The following RAB21 variants were observed in gnomAD, a reference collection of about 807,000 sequenced individuals.
RAB21 encodes RAB21, member RAS oncogene family.
RAB21 carries 13 observed loss-of-function variants against 33.1 expected under a neutral mutation model. The observed-to-expected ratio is 0.39, with a 90% CI of 0.26 to 0.62. The LOEUF (loss-of-function observed/expected upper bound fraction) is 0.62, where lower values mean the gene tolerates loss of function less well. Among genes scored for constraint, RAB21 ranks in the 20% least tolerant of loss-of-function variants. The pLI is 0.48. For synonymous variants in RAB21, 91 were observed against 103.7 expected (o/e 0.88, Z 0.74); for missense variants, 234 against 279.1 (o/e 0.84, Z 1.15).
At chr12:71,756,236 G>A (rs1882783937) in intron 1 of RAB21, among the ~76,000 whole-genome samples, 1 of 152,274 alleles carries the variant, frequency 6.6e-6, no homozygotes, top group South Asian at 2.1e-4. Context: ...GTCATACTGG[G>A]TAAGTTACTT....
intron 4 of RAB21, among the ~76,000 whole-genome samples, chr12:71,777,622 C>T (rs935499141): frequency 6.6e-6 from 1 of 152,164 alleles, no homozygotes; most frequent in Non-Finnish European, 1.5e-5. Context: ...AAACATTTGA[C>T]AAGAATTCAT....
chr12:71,793,319 G>A lies in RAB21; in HGVS notation c.*7646G>A, dbSNP rs555339634. The stretch of plus-strand genomic sequence containing the variant: ...TAGGATAGTTTGTGTAATTCTAAAT[G>A]CACTCTCCAGTTTAAGAGTGTGGGT... On this transcript the variant is annotated 3_prime_UTR_variant, in exon 7 of 7. Transcript: ENST00000261263. 1.6e-4 allele frequency: 25 copies of A among 152,276 alleles called. No homozygotes were observed. In the East Asian group the frequency reaches 4.8e-3, roughly 29 times the overall value. 9.4% of individuals were successfully genotyped at this position (152,276 alleles called of 1,614,324 possible). A position where few individuals can be genotyped will look rare whatever the true frequency, so the allele number is the denominator to read the frequency against.
At position 71,755,420 on chromosome 12, in the gene RAB21, C is replaced by T. The variant is rs1402635145; in HGVS notation, c.159+132C>T. 13 of 1,136,508 alleles carry T rather than the reference C, an allele frequency of 1.1e-5. No homozygotes were observed. In the East Asian group the frequency reaches 2.7e-4, roughly 23 times the overall value. 70.4% of individuals were successfully genotyped at this position (1,136,508 alleles called of 1,614,324 possible). ...GCCTGTCATCTCCGCCTTCGGTTTA[C>T]CTTTCCGAATTCGCCCTGGGGAATC... On this transcript the variant is annotated intron_variant, in intron 1 of 6. Coordinates refer to ENST00000261263, the MANE Select transcript of RAB21 (RefSeq NM_014999.4).
intron 1 of RAB21, among the ~76,000 whole-genome samples, chr12:71,762,708 G>T (rs1882894316): frequency 6.6e-6 from 1 of 151,990 alleles, no homozygotes. Flanking sequence ...TCAGCCTCCT[G>T]AGTAGCTGGG....
intron 1 of RAB21, among the ~76,000 whole-genome samples, chr12:71,758,274 C>T (rs1882817129): frequency 6.6e-6 from 1 of 151,978 alleles, no homozygotes; most frequent in South Asian, 2.1e-4. Flanking sequence ...CTCAGGTGAT[C>T]CACCTGCCTC....
Position 71,760,902 on chromosome 12 carries a change from G to A in RAB21, c.159+5614G>A, listed in dbSNP as rs1328522227. Among the ~76,000 whole-genome samples the A allele has an allele frequency of 2.0e-5, 3 of 152,068 alleles. No individual in the cohort carries two copies. In the East Asian group the frequency reaches 5.8e-4, roughly 29 times the overall value. On this transcript the variant is annotated intron_variant, in intron 1 of 6. Coordinates refer to ENST00000261263, the MANE Select transcript of RAB21 (RefSeq NM_014999.4). Reference sequence around the variant, plus strand: ...GTAGTATCCTAACAGTTTGGCAAATGAGGAAACTAAGACTTGGATTTGGCT... The same window carrying A: ...GTAGTATCCTAACAGTTTGGCAAATAAGGAAACTAAGACTTGGATTTGGCT...
intron 1 of RAB21, 57 bp downstream of exon 1, chr12:71,755,345 G>T: frequency 7.0e-7 from 1 of 1,427,486 alleles, no homozygotes. Context: ...CTCCGGGGCT[G>T]GGGAAACTTT....
At chr12:71,781,724 T>C (rs1390928194) in intron 4 of RAB21, among the ~76,000 whole-genome samples, 1 of 152,190 alleles carries the variant, frequency 6.6e-6, no homozygotes, top group Non-Finnish European at 1.5e-5. Context: ...AATCATAGGT[T>C]TATCTCTAGG....
chr12:71,769,931 G>A (rs1883016614), intron 2 of RAB21, 72 bp downstream of exon 2: 13 of 740,630 alleles, frequency 1.8e-5, no homozygotes, highest in Non-Finnish European at 2.6e-5. Context: ...GTTAATTGGA[G>A]CTTAGCCAAC....
At chr12:71,774,110 A>C (rs1483083807) in intron 4 of RAB21, 88 bp downstream of exon 4, 1 of 853,222 alleles carries the variant, frequency 1.2e-6, no homozygotes, top group Non-Finnish European at 1.8e-6. Context: ...TTAAAGTTAT[A>C]TGAGAAAGGA....
At chr12:71,767,169 T>A (rs1375822231) in intron 1 of RAB21, among the ~76,000 whole-genome samples, 3 of 152,188 alleles carry the variant, frequency 2.0e-5, no homozygotes, top group Admixed American at 2.0e-4. Context: ...TTTCATTGTT[T>A]TTGTTTTTCT....
At chr12:71,780,984 C>G (rs948295418) in intron 4 of RAB21, among the ~76,000 whole-genome samples, 5 of 152,002 alleles carry the variant, frequency 3.3e-5, no homozygotes, top group Non-Finnish European at 7.4e-5. Flanking sequence ...TCTGGGTGTC[C>G]AGCCAACTCA....
At chr12:71,767,245 A>C (rs1250087753) in intron 1 of RAB21, among the ~76,000 whole-genome samples, 1 of 152,068 alleles carries the variant, frequency 6.6e-6, no homozygotes, top group Non-Finnish European at 1.5e-5. Flanking sequence ...TAGTTCCTTA[A>C]TGGAGACTTA....
intron 1 of RAB21, among the ~76,000 whole-genome samples, chr12:71,762,556 C>T (rs181316372): frequency 6.0e-4 from 92 of 152,114 alleles, no homozygotes; most frequent in African/African-American, 2.0e-3. Flanking sequence ...CCGCCCGCCT[C>T]GGCCTCCCAA....
At position 71,796,012 on chromosome 12, in the gene RAB21, T is replaced by C. The variant is rs1007808652; in HGVS notation, c.*10339T>C. On this transcript the variant is annotated 3_prime_UTR_variant, in exon 7 of 7. Transcript: ENST00000261263. The stretch of plus-strand genomic sequence containing the variant: ...CCATATAAACTCAAATGAAATTTTA[T>C]GACATTCTAATGTACATACTCGCCA... The C allele has an allele frequency of 2.2e-5, 3 of 137,754 alleles. No homozygotes were observed. Among genetic ancestry groups the C allele is most frequent in the Admixed American group, 7.4e-5 (1 of 13,430 alleles). 8.5% of individuals were successfully genotyped at this position (137,754 alleles called of 1,614,324 possible). A position where few individuals can be genotyped will look rare whatever the true frequency, so the allele number is the denominator to read the frequency against.
Position 71,755,622 on chromosome 12 carries a change from A to G in RAB21, c.159+334A>G, listed in dbSNP as rs150130753. The stretch of plus-strand genomic sequence containing the variant: ...CCCAGGTGTCAGTGTTGCAGTCTCC[A>G]AATGTTAGCTCCTTTTCTTTCTTTC... On this transcript the variant is annotated intron_variant, in intron 1 of 6. Coordinates refer to ENST00000261263, the MANE Select transcript of RAB21 (RefSeq NM_014999.4). 6.6e-3 allele frequency among the ~76,000 whole-genome samples: 1,000 copies of G among 152,274 alleles called. 15 individuals are homozygous for G. Among genetic ancestry groups the G allele is most frequent in the African/African-American group, 0.023 (965 of 41,542 alleles).
In RAB21 at chr12:71,782,596, A is replaced by T. The variant is rs146293505; in HGVS notation, c.473A>T (p.His158Leu). ...TATGCAGAATCTGTGGGAGCAAAACATTATCATACTTCAGCCAAACAGAAC... is the reference window on the plus strand; with the variant it reads ...TATGCAGAATCTGTGGGAGCAAAACTTTATCATACTTCAGCCAAACAGAAC... ...ESYAESVGAK[H>L]YHTSAKQNKG... is the part of the protein sequence containing the mutation. The change falls in exon 6 of 7, where the codon CAT becomes CTT. Residue 158 changes from histidine (H) to leucine (L), a missense_variant. His to Leu is a moderately conservative substitution (Grantham distance 99). Transcript: ENST00000261263. The T allele has an allele frequency of 1.6e-5, 25 of 1,602,614 alleles. No individual in the cohort carries two copies. Among genetic ancestry groups the T allele is most frequent in the Admixed American group, 1.2e-4 (7 of 58,484 alleles).
At chr12:71,776,538 A>G (rs532645141) in intron 4 of RAB21, among the ~76,000 whole-genome samples, 2 of 152,214 alleles carry the variant, frequency 1.3e-5, no homozygotes, top group East Asian at 1.9e-4. Flanking sequence ...GGTAGGGTCA[A>G]ATACCCCATT....
Position 71,770,384 on chromosome 12 carries a change from T to A in RAB21, c.220-208T>A, listed in dbSNP as rs1324889138. On this transcript the variant is annotated intron_variant, in intron 2 of 6. Transcript: ENST00000261263. The stretch of plus-strand genomic sequence containing the variant: ...GGAAGGTTGGGAGGGAAAAAGTAAC[T>A]TTTGTATATCACTAAAACATTACAT... Among the ~76,000 whole-genome samples the A allele has an allele frequency of 3.9e-5, 6 of 152,330 alleles. No homozygotes were observed. The East Asian group carries it at 1.2e-3, about 29-fold the overall frequency.
Sources: allele counts gnomAD v4.1 joint callset (sites outside exome capture counted in the v4.1 genomes callset), GRCh38; gene constraint gnomAD v4.1.1; transcripts MANE v1.5; gene names NCBI Gene and HGNC (gene_info 2026-07-23, HGNC 2026-07-21).